The following MPP7 variants were observed in gnomAD, a reference collection of about 807,000 sequenced individuals.
The protein encoded by MPP7 is MAGUK p55 subfamily member 7.
A neutral mutation model predicts 76.5 loss-of-function variants in MPP7; 60 were observed. The observed-to-expected ratio is 0.78, with a 90% CI of 0.64 to 0.97. MPP7 has a LOEUF of 0.97. MPP7 is among the 50% of genes least tolerant of loss of function. The pLI, the probability that MPP7 is intolerant of heterozygous loss-of-function variation, is 0.00. For synonymous variants in MPP7, 237 were observed against 244.5 expected (o/e 0.97, Z 0.29); for missense variants, 641 against 694.0 (o/e 0.92, Z 0.86).
At chr10:28,261,297 G>T (rs1839941628) in intron 1 of MPP7, among the ~76,000 whole-genome samples, 1 of 152,160 alleles carries the variant, frequency 6.6e-6, no homozygotes. Context: ...GTCATTCACT[G>T]GGGTGGAACC....
chr10:28,272,478 T>C (rs924418437), intron 1 of MPP7, among the ~76,000 whole-genome samples: 16 of 152,342 alleles, frequency 1.1e-4, no homozygotes, highest in African/African-American at 3.8e-4. Flanking sequence ...GGTAATTCAT[T>C]AAGGTATTGA....
rs11292957 is a variant in MPP7, at chr10:28,051,885, CA to C, written c.*2179del. On this transcript the variant is annotated 3_prime_UTR_variant, in exon 17 of 17. Coordinates refer to ENST00000683449, the MANE Select transcript of MPP7 (RefSeq NM_001318170.2). ...TGAGCAACATGGCAAGACCCTGTCTCAAAAAAAAAAAAAAAAGTATACTACC... is the reference window on the plus strand; with the variant it reads ...TGAGCAACATGGCAAGACCCTGTCTCAAAAAAAAAAAAAAAGTATACTACC... The C allele has an allele frequency of 0.14, 16,114 of 118,886 alleles. 2,164 individuals are homozygous for C. The highest frequency in any genetic ancestry group is 0.37 in the African/African-American group (12,861 of 34,960). 7.4% of individuals were successfully genotyped at this position (118,886 alleles called of 1,614,324 possible). A position where few individuals can be genotyped will look rare whatever the true frequency, so the allele number is the denominator to read the frequency against.
rs566185377 is a variant in MPP7, at chr10:28,261,606, CAG to C, written c.-131-22873_-131-22872del. Among the ~76,000 whole-genome samples, 917 of 152,302 alleles carry C rather than the reference CAG, an allele frequency of 6.0e-3. 4 individuals are homozygous for C. The highest frequency in any genetic ancestry group is 8.6e-3 in the Non-Finnish European group (582 of 68,032). ...CTCCATCAGGTGACCCCAGAGTACA[CAG>C]AGTGTGGATATCAGACACACCCCAA... On this transcript the variant is annotated intron_variant, in intron 1 of 16. Coordinates refer to ENST00000683449, the MANE Select transcript of MPP7 (RefSeq NM_001318170.2).
intron 11 of MPP7, among the ~76,000 whole-genome samples, chr10:28,115,395 G>A (rs1380727731): frequency 2.0e-5 from 3 of 152,094 alleles, no homozygotes; most frequent in African/African-American, 4.8e-5. Flanking sequence ...GAGCCGCTGT[G>A]CCCGGCCAAT....
chr10:28,270,839 C>T (rs994323770), intron 1 of MPP7, among the ~76,000 whole-genome samples: 1 of 152,066 alleles, frequency 6.6e-6, no homozygotes, highest in African/African-American at 2.4e-5. Context: ...CTGAAGACCA[C>T]GGTTCTTTGA....
Position 28,253,195 on chromosome 10 carries a change from G to A in MPP7, c.-131-14460C>T, listed in dbSNP as rs554986092. On this transcript the variant is annotated intron_variant, in intron 1 of 16. Coordinates refer to ENST00000683449, the MANE Select transcript of MPP7 (RefSeq NM_001318170.2). ...TGCTGGGATTACAGGCGTGAGCCAC[G>A]ATACCCGGCCTCATCTGCATTTCTT... 3.9e-5 allele frequency among the ~76,000 whole-genome samples: 6 copies of A among 152,090 alleles called. No homozygotes were observed. In the East Asian group the frequency reaches 5.8e-4, roughly 15 times the overall value.
At chr10:28,166,890 C>T (rs1195659233) in intron 3 of MPP7, among the ~76,000 whole-genome samples, 1 of 152,070 alleles carries the variant, frequency 6.6e-6, no homozygotes, top group Non-Finnish European at 1.5e-5. Context: ...CATTTTGTTC[C>T]ATATTCTATA....
intron 2 of MPP7, among the ~76,000 whole-genome samples, chr10:28,314,271 G>A (rs1451411160): frequency 6.6e-6 from 1 of 152,140 alleles, no homozygotes; most frequent in Non-Finnish European, 1.5e-5. Flanking sequence ...AAAATCCATA[G>A]CCTCTCAGAG....
chr10:28,260,901 G>A (rs1313183792), intron 1 of MPP7, among the ~76,000 whole-genome samples: 2 of 151,612 alleles, frequency 1.3e-5, no homozygotes, highest in African/African-American at 4.9e-5. Context: ...TTTATTTTAT[G>A]CCCAATTGAT....
chr10:28,294,269 T>C (rs575876874), intron 1 of MPP7, among the ~76,000 whole-genome samples: 18 of 152,276 alleles, frequency 1.2e-4, no homozygotes, highest in African/African-American at 4.3e-4. Context: ...ATCACACCAC[T>C]GCACTCCAGC....
intron 11 of MPP7, among the ~76,000 whole-genome samples, chr10:28,093,243 G>A (rs914289440): frequency 6.6e-6 from 1 of 152,150 alleles, no homozygotes; most frequent in East Asian, 1.9e-4. Context: ...TTCCCTGTAT[G>A]GAGGGAGGCT....
At chr10:28,150,115 C>T in intron 3 of MPP7, 56 bp from the exon 4 acceptor site, 2 of 1,237,314 alleles carry the variant, frequency 1.6e-6, no homozygotes, top group South Asian at 1.2e-5. Context: ...TCTCAGATAG[C>T]TGCACATTTT....
At chr10:28,271,577 G>T (rs911128225) in intron 1 of MPP7, among the ~76,000 whole-genome samples, 1 of 152,120 alleles carries the variant, frequency 6.6e-6, no homozygotes, top group African/African-American at 2.4e-5. Flanking sequence ...AAGGTAGGGA[G>T]CCCTGTTTGT....
At chr10:28,087,390 T>C (rs1252237994) in intron 12 of MPP7, among the ~76,000 whole-genome samples, 2 of 152,134 alleles carry the variant, frequency 1.3e-5, no homozygotes, top group Non-Finnish European at 2.9e-5. Context: ...CACATGCCTT[T>C]TTTTTTCTTT....
At chr10:28,312,091 G>A (rs1564770287) in intron 2 of MPP7, among the ~76,000 whole-genome samples, 2 of 152,120 alleles carry the variant, frequency 1.3e-5, no homozygotes, top group Admixed American at 1.3e-4. Flanking sequence ...GTGAGCAGCA[G>A]CAAGATTTAT....
At chr10:28,284,761 A>C (rs1053730016) in intron 1 of MPP7, among the ~76,000 whole-genome samples, 1 of 152,234 alleles carries the variant, frequency 6.6e-6, no homozygotes, top group African/African-American at 2.4e-5. Flanking sequence ...CACTTACTCT[A>C]TTATGAACCT....
intron 4 of MPP7, 22 bp from the exon 5 acceptor site, chr10:28,147,585 C>T: frequency 6.2e-7 from 1 of 1,607,786 alleles, no homozygotes; most frequent in Non-Finnish European, 8.5e-7. Flanking sequence ...ATTACATTGA[C>T]TTAAAGAACA....
At chr10:28,258,960 G>C (rs897919538) in intron 1 of MPP7, among the ~76,000 whole-genome samples, 4 of 152,268 alleles carry the variant, frequency 2.6e-5, no homozygotes, top group South Asian at 2.1e-4. Flanking sequence ...AAAAAAGAAA[G>C]AGCCTTTGTG....
chr10:28,076,543 A>G (rs961049369), intron 12 of MPP7, among the ~76,000 whole-genome samples: 61 of 150,430 alleles, frequency 4.1e-4, no homozygotes, highest in African/African-American at 1.0e-3. Context: ...ACATGCGCGC[A>G]CACACACACA....
Sources: allele counts gnomAD v4.1 joint callset (sites outside exome capture counted in the v4.1 genomes callset), GRCh38; gene constraint gnomAD v4.1.1; transcripts MANE v1.5; gene names NCBI Gene and HGNC (gene_info 2026-07-23, HGNC 2026-07-21).